The following TMPO variants were observed in gnomAD, a reference collection of about 807,000 sequenced individuals.
The protein encoded by TMPO is LEM domain containing 4.
A neutral mutation model predicts 45.4 loss-of-function variants in TMPO; 22 were observed. The observed-to-expected ratio is 0.48, with a 90% confidence interval of 0.35 to 0.69. The LOEUF is 0.69. Ranked by LOEUF, TMPO falls within the 30% of genes least tolerant of loss-of-function variation. The pLI is 0.01. For synonymous variants in TMPO, 241 were observed against 204.1 expected, an observed-to-expected ratio of 1.18 and a Z score of -1.54; for missense variants, 512 against 548.8, an observed-to-expected ratio of 0.93 and a Z score of 0.67.
At chr12:98,542,355 A>G (rs1877963412) in intron 4 of TMPO, among the ~76,000 whole-genome samples, 2 of 152,056 alleles carry the variant, frequency 1.3e-5, no homozygotes, top group Non-Finnish European at 2.9e-5. Context: ...TAGGCCTTCA[A>G]GATGGCTTTT....
At chr12:98,523,431 G>A (rs1020609746) in intron 1 of TMPO, among the ~76,000 whole-genome samples, 5 of 151,768 alleles carry the variant, frequency 3.3e-5, no homozygotes, top group East Asian at 1.9e-4. Context: ...GGTGTTGCGC[G>A]CTTGTAATTT....
chr12:98,529,899 T>G (rs1263047912), intron 2 of TMPO, among the ~76,000 whole-genome samples: 1 of 152,158 alleles, frequency 6.6e-6, no homozygotes. Context: ...CGCTAGAGAT[T>G]TGGTAGGTTT....
At chr12:98,536,354 G>A (rs1185354666) in intron 3 of TMPO, among the ~76,000 whole-genome samples, 1 of 151,920 alleles carries the variant, frequency 6.6e-6, no homozygotes, top group Non-Finnish European at 1.5e-5. Flanking sequence ...TCTACAAAAA[G>A]GGATTTTTTT....
In TMPO at chr12:98,545,889, C is replaced by T. The variant is rs542036804; in HGVS notation, c.991-470C>T. Among the ~76,000 whole-genome samples the T allele has an allele frequency of 1.8e-4, 27 of 152,174 alleles. 1 individual carries two copies. The South Asian group carries it at 4.8e-3, about 27-fold the overall frequency. On this transcript the variant is annotated intron_variant, in intron 7 of 8. Transcript: ENST00000556029. ...CTGGGATTACGGGTGCCCGCCACCA[C>T]GCCCAGCTAATTTTTGTATTTTTAG...
chr12:98,544,986 A>G lies in TMPO; in HGVS notation c.915A>G (p.Ala305=), dbSNP rs776990303. ...GGGTGACTGGAAATTTCAAGCATGC[A>G]TCTCCTATTCTGCCAATCACTGAAT... ...VNRVTGNFKH[A]SPILPITEFS... The change falls in exon 7 of 9, where the codon GCA becomes GCG. Residue 305 remains alanine (A), a synonymous_variant. Transcript: ENST00000556029. 7.4e-6 allele frequency: 12 copies of G among 1,613,696 alleles called. No individual in the cohort carries two copies. The highest frequency in any genetic ancestry group is 9.3e-6 in the Non-Finnish European group (11 of 1,179,962).
At chr12:98,522,869 C>T (rs976526369) in intron 1 of TMPO, among the ~76,000 whole-genome samples, 5 of 152,140 alleles carry the variant, frequency 3.3e-5, no homozygotes, top group Admixed American at 1.3e-4. Flanking sequence ...AATGCAAAGA[C>T]ACTTGGAACA....
chr12:98,535,135 A>T lies in TMPO; in HGVS notation c.566-2340A>T, dbSNP rs1877491043. The stretch of plus-strand genomic sequence containing the variant: ...TTTGAGAAACACTTCTTTGGATAAT[A>T]ATAGATATCCTGGGATAGTGCATGT... On this transcript the variant is annotated intron_variant, in intron 3 of 8. Transcript: ENST00000556029. The T allele has an allele frequency of 3.0e-6, 3 of 984,990 alleles. No homozygotes were observed. The South Asian group carries it at 1.4e-4, about 46-fold the overall frequency. The allele number at this position is 984,990 out of a possible 1,614,324, so 61.0% of individuals were successfully genotyped here.
At chr12:98,544,586 C>G in intron 6 of TMPO, 49 bp downstream of exon 6, 1 of 1,469,260 alleles carries the variant, frequency 6.8e-7, no homozygotes, top group Non-Finnish European at 9.5e-7. Context: ...GTAAATTACC[C>G]TTTAATTGGA....
Position 98,547,905 on chromosome 12 carries a change from CTG to C in TMPO, c.*49_*50del, listed in dbSNP as rs774635973. The C allele has an allele frequency of 1.1e-5, 17 of 1,595,452 alleles. No homozygotes were observed. The highest frequency in any genetic ancestry group is 1.7e-5 in the Admixed American group (1 of 59,160). On this transcript the variant is annotated 3_prime_UTR_variant, in exon 9 of 9. Coordinates refer to ENST00000556029, the MANE Select transcript of TMPO (RefSeq NM_001032283.3). ...CAACTTGGTCTCCTATTTTCAATAA[CTG>C]TTGAAAAACATTTGTGTACACTTGT...
chr12:98,533,059 C>G, intron 3 of TMPO: 5 of 1,613,590 alleles, frequency 3.1e-6, no homozygotes, highest in Non-Finnish European at 4.2e-6. Flanking sequence ...GGGACAGTTG[C>G]AGAAGTTAGC....
At chr12:98,528,309 C>G (rs904683446) in intron 2 of TMPO, among the ~76,000 whole-genome samples, 3 of 144,928 alleles carry the variant, frequency 2.1e-5, no homozygotes, top group Non-Finnish European at 4.5e-5. Flanking sequence ...CGGAGTCTTG[C>G]TCTGTCGCCC....
intron 3 of TMPO, among the ~76,000 whole-genome samples, chr12:98,535,983 G>T (rs555349031): frequency 6.6e-6 from 1 of 152,184 alleles, no homozygotes; most frequent in African/African-American, 2.4e-5. Context: ...ATATTGCTGG[G>T]GGTTGTACCA....
At chr12:98,517,523 T>C (rs1875953648) in intron 1 of TMPO, among the ~76,000 whole-genome samples, 1 of 152,224 alleles carries the variant, frequency 6.6e-6, no homozygotes, top group Admixed American at 6.5e-5. Context: ...CAAATTTTAC[T>C]TTAGTTTTTA....
chr12:98,521,303 G>A (rs960653871), intron 1 of TMPO, among the ~76,000 whole-genome samples: 9 of 148,840 alleles, frequency 6.0e-5, no homozygotes, highest in Non-Finnish European at 1.0e-4. Context: ...TAGTAGAGAC[G>A]GAGTTTCACT....
rs2077299918 is a variant in TMPO at position 98,516,125 on chromosome 12, G to T, written c.258G>T (p.Arg86=). 6.7e-7 allele frequency: 1 copy of T among 1,486,634 alleles called. No individual in the cohort carries two copies. The allele number at this position is 1,486,634 out of a possible 1,614,324, so 92.1% of individuals were successfully genotyped here. Residue 86 remains arginine (R), a synonymous_variant, in exon 1 of 9, where the codon CGG becomes CGT. Transcript: ENST00000556029. ...GCTCTGGGGCCGCCGCCGCGGGCCG[G>T]AGCCGAGCAGCCGTCGGCAGGGTAA... is the stretch of plus-strand genomic sequence containing the variant. ...VLGSGAAAAG[R]SRAAVGRKAT...
Position 98,515,699 on chromosome 12 carries a change from G to A in TMPO, c.-169G>A. On this transcript the variant is annotated 5_prime_UTR_variant, in exon 1 of 9. Transcript: ENST00000556029. ...CGGCTCTGGGGTCTTTTGTGTCCGG[G>A]TCTGGCTTGGCTTTGTGTCCGCGAG... is the stretch of plus-strand genomic sequence containing the variant. 7.0e-7 allele frequency: 1 copy of A among 1,430,818 alleles called. No homozygotes were observed. The highest frequency in any genetic ancestry group is 9.4e-7 in the Non-Finnish European group (1 of 1,066,064). 88.6% of individuals were successfully genotyped at this position (1,430,818 alleles called of 1,614,324 possible). A position where few individuals can be genotyped will look rare whatever the true frequency, so the allele number is the denominator to read the frequency against.
At chr12:98,519,949 T>A (rs73136486) in intron 1 of TMPO, among the ~76,000 whole-genome samples, 33,035 of 151,886 alleles carry the variant, frequency 0.22, 4,625 homozygotes, top group Non-Finnish European at 0.31. Context: ...TTTTTTTTTC[T>A]TTCTTTCTTT....
intron 7 of TMPO, among the ~76,000 whole-genome samples, chr12:98,545,549 T>C (rs1033937424): frequency 3.3e-5 from 5 of 152,302 alleles, no homozygotes; most frequent in African/African-American, 1.2e-4. Flanking sequence ...AGCCGAAACA[T>C]TTATTATTTT....
chr12:98,524,574 T>C (rs1876618876), intron 1 of TMPO, among the ~76,000 whole-genome samples: 1 of 144,960 alleles, frequency 6.9e-6, no homozygotes, highest in Non-Finnish European at 1.5e-5. Context: ...AGACTCCACC[T>C]TGAAAAAGAA....
Sources: allele counts gnomAD v4.1 joint callset (sites outside exome capture counted in the v4.1 genomes callset), GRCh38; gene constraint gnomAD v4.1.1; transcripts MANE v1.5; gene names NCBI Gene and HGNC (gene_info 2026-07-23, HGNC 2026-07-21).